The following EPHA5 variants were observed in gnomAD, a reference collection of about 807,000 sequenced individuals.
The protein encoded by EPHA5 is EPH receptor A5.
Under a neutral mutation model 105.0 loss-of-function variants are expected in EPHA5, and 60 were observed. That is an observed-to-expected ratio of 0.57 (90% CI 0.46 to 0.71). The LOEUF is 0.71. EPHA5 is among the 30% of genes least tolerant of loss of function. EPHA5 has a pLI of 0.00. For missense variants in EPHA5, 1,218 were observed against 1,274.7 expected (o/e 0.96, Z 0.68); for synonymous variants, 513 against 449.1 (o/e 1.14, Z -1.80).
chr4:65,611,840 T>C (rs374676088), intron 2 of EPHA5, among the ~76,000 whole-genome samples: 53 of 151,914 alleles, frequency 3.5e-4, no homozygotes, highest in African/African-American at 1.3e-3. Flanking sequence ...TAAGTGGCTA[T>C]ATTGCCATAA....
intron 11 of EPHA5, among the ~76,000 whole-genome samples, chr4:65,355,427 CTTTAT>C (rs1723205982): frequency 6.6e-6 from 1 of 151,602 alleles, no homozygotes; most frequent in African/African-American, 2.4e-5. Flanking sequence ...GCAACTTAAA[CTTTAT>C]TTTAACTATA....
chr4:65,611,016 A>G (rs1744712087), intron 2 of EPHA5, among the ~76,000 whole-genome samples: 1 of 152,192 alleles, frequency 6.6e-6, no homozygotes, highest in African/African-American at 2.4e-5. Context: ...AGGTTTACAT[A>G]GTTGGTGAGT....
At chr4:65,532,108 T>C (rs1351535400) in intron 3 of EPHA5, among the ~76,000 whole-genome samples, 1 of 152,148 alleles carries the variant, frequency 6.6e-6, no homozygotes, top group African/African-American at 2.4e-5. Context: ...TATCTTAATA[T>C]TTGGAAACTC....
At position 65,321,442 on chromosome 4, in the gene EPHA5, A is replaced by G; in HGVS notation, c.*2672T>C. On this transcript the variant is annotated 3_prime_UTR_variant, in exon 17 of 17. Coordinates refer to ENST00000613740, the MANE Select transcript of EPHA5 (RefSeq NM_001281766.3). Reference sequence around the variant, plus strand: ...TGAGATTGGCATTTTCCAATTGGTGACATATACAATAGGAAACAAATATTT... The same window carrying G: ...TGAGATTGGCATTTTCCAATTGGTGGCATATACAATAGGAAACAAATATTT... 1 of 230,136 alleles carries G rather than the reference A, an allele frequency of 4.3e-6. No homozygotes were observed. The allele number at this position is 230,136 out of a possible 1,614,324, so 14.3% of individuals were successfully genotyped here. A position where few individuals can be genotyped will look rare whatever the true frequency, so the allele number is the denominator to read the frequency against.
At chr4:65,357,257 G>A (rs1270932275) in intron 11 of EPHA5, among the ~76,000 whole-genome samples, 1 of 151,368 alleles carries the variant, frequency 6.6e-6, no homozygotes, top group Non-Finnish European at 1.5e-5. Context: ...GGCTCAGAAA[G>A]GTTCAATATA....
intron 7 of EPHA5, among the ~76,000 whole-genome samples, chr4:65,413,396 A>G (rs1211813069): frequency 6.6e-6 from 1 of 152,112 alleles, no homozygotes; most frequent in East Asian, 1.9e-4. Flanking sequence ...GAAGATCTTG[A>G]TTTTCAAAGG....
intron 8 of EPHA5, among the ~76,000 whole-genome samples, chr4:65,377,253 A>C (rs780808069): frequency 1.8e-4 from 28 of 152,026 alleles, no homozygotes; most frequent in Non-Finnish European, 2.5e-4. Context: ...TAAGAAATAT[A>C]GAGTTGTAGT....
chr4:65,570,246 A>G (rs891548175), intron 3 of EPHA5, among the ~76,000 whole-genome samples: 4 of 151,924 alleles, frequency 2.6e-5, no homozygotes, highest in African/African-American at 9.7e-5. Flanking sequence ...GAGGTAATTA[A>G]TACTGTATTA....
chr4:65,362,848 T>G (rs1414321304), intron 11 of EPHA5, among the ~76,000 whole-genome samples: 1 of 151,704 alleles, frequency 6.6e-6, no homozygotes, highest in African/African-American at 2.4e-5. Flanking sequence ...ATCTTTGTCT[T>G]CAAGGAACAT....
chr4:65,354,256 T>C (rs1447097596), intron 11 of EPHA5, among the ~76,000 whole-genome samples: 1 of 151,814 alleles, frequency 6.6e-6, no homozygotes, highest in Non-Finnish European at 1.5e-5. Flanking sequence ...GTTAGCTTCC[T>C]TGCTAGATGT....
At chr4:65,533,735 A>G (rs1453507762) in intron 3 of EPHA5, among the ~76,000 whole-genome samples, 1 of 152,036 alleles carries the variant, frequency 6.6e-6, no homozygotes, top group Admixed American at 6.5e-5. Flanking sequence ...AGGAGTTGAG[A>G]CCAGTCTGGC....
chr4:65,448,231 T>A, intron 5 of EPHA5, among the ~76,000 whole-genome samples: 1 of 146,250 alleles, frequency 6.8e-6, no homozygotes, highest in African/African-American at 2.5e-5. Context: ...ATCACCAAGC[T>A]ATAAAAAAAG....
chr4:65,461,480 C>T (rs1050584304), intron 5 of EPHA5, among the ~76,000 whole-genome samples: 2 of 151,990 alleles, frequency 1.3e-5, no homozygotes, highest in Admixed American at 6.6e-5. Flanking sequence ...AAATTTACTA[C>T]CATGTAACAG....
intron 11 of EPHA5, among the ~76,000 whole-genome samples, chr4:65,356,876 C>G (rs368530428): frequency 6.6e-6 from 1 of 151,418 alleles, no homozygotes; most frequent in Non-Finnish European, 1.5e-5. Context: ...TACTCTAACC[C>G]TTGTAAATTC....
At chr4:65,653,198 T>C (rs1309382954) in intron 1 of EPHA5, among the ~76,000 whole-genome samples, 3 of 151,994 alleles carry the variant, frequency 2.0e-5, no homozygotes, top group African/African-American at 7.2e-5. Flanking sequence ...CACAAACTCA[T>C]AGTCTCTATT....
intron 3 of EPHA5, among the ~76,000 whole-genome samples, chr4:65,586,646 G>GTTT (rs948692529): frequency 6.7e-6 from 1 of 149,652 alleles, no homozygotes; most frequent in Admixed American, 6.7e-5. Flanking sequence ...ATCCCAATGT[G>GTTT]TTTTTTTTTC....
chr4:65,337,403 C>T (rs1721286895), intron 14 of EPHA5, among the ~76,000 whole-genome samples: 1 of 152,056 alleles, frequency 6.6e-6, no homozygotes, highest in African/African-American at 2.4e-5. Context: ...CTCTGATAGC[C>T]ACATTCTATC....
intron 12 of EPHA5, 62 bp from the exon 13 acceptor site, chr4:65,351,660 G>A (rs2148856442): frequency 6.9e-7 from 1 of 1,459,726 alleles, no homozygotes; most frequent in Non-Finnish European, 9.5e-7. Flanking sequence ...AAATATGAGA[G>A]GTCTGTATTC....
rs1731168352 is a variant in EPHA5 at position 65,489,132 on chromosome 4, C to T, written c.1402+1245G>A. Among the ~76,000 whole-genome samples, 3 of 152,000 alleles carry T rather than the reference C, an allele frequency of 2.0e-5. No homozygotes were observed. In the South Asian group the frequency reaches 6.2e-4, roughly 32 times the overall value. ...CAGGATGGTCTCGATCTCCTGACCT[C>T]GTGATCCACCCATCTCGGCCTCCCA... On this transcript the variant is annotated intron_variant, in intron 5 of 16. Coordinates refer to ENST00000613740, the MANE Select transcript of EPHA5 (RefSeq NM_001281766.3).
Sources: gnomAD v4.1 joint callset for allele counts (sites outside exome capture counted in the v4.1 genomes callset) on GRCh38, gnomAD v4.1.1 for gene constraint, MANE v1.5 for transcripts, NCBI Gene and HGNC (gene_info 2026-07-23, HGNC 2026-07-21) for gene names.